CWF19L1: variants seen among roughly 807,000 people sequenced by gnomAD.
CWF19L1 encodes the protein CWF19-like protein 1.
CWF19L1 carries 60 observed loss-of-function variants against 69.7 expected under a neutral mutation model. The ratio of observed to expected loss-of-function variants is 0.86; its 90% CI spans 0.70 to 1.07. CWF19L1 has a LOEUF of 1.07. CWF19L1 is among the 50% of genes least tolerant of loss of function. The pLI is 0.00. For synonymous variants in CWF19L1, 209 were observed against 222.2 expected (o/e 0.94, Z 0.53); for missense variants, 591 against 638.9 (o/e 0.92, Z 0.81).
At chr10:100,257,111 G>C (rs1847237441) in intron 4 of CWF19L1, among the ~76,000 whole-genome samples, 1 of 152,058 alleles carries the variant, frequency 6.6e-6, no homozygotes, top group East Asian at 1.9e-4. Flanking sequence ...TTGCCTTCAA[G>C]ACCTTGCTCC....
intron 6 of CWF19L1, among the ~76,000 whole-genome samples, chr10:100,253,045 G>A (rs1847094518): frequency 6.6e-6 from 1 of 152,098 alleles, no homozygotes; most frequent in South Asian, 2.1e-4. Flanking sequence ...GGCTCCCTAT[G>A]TTGCCCAGGC....
chr10:100,256,481 G>C lies in CWF19L1; in HGVS notation c.290-5C>G, dbSNP rs765563401. 8 of 1,613,336 alleles carry C rather than the reference G, an allele frequency of 5.0e-6. No individual in the cohort carries two copies. The highest frequency in any genetic ancestry group is 6.8e-6 in the Non-Finnish European group (8 of 1,179,440). On this transcript the variant is annotated splice_polypyrimidine_tract_variant and splice_region_variant and intron_variant, in intron 4 of 13. Coordinates refer to ENST00000354105, the MANE Select transcript of CWF19L1 (RefSeq NM_018294.6). Reference sequence around the variant, plus strand: ...CAGTGAAGATACCTTTACGACCTGGGTTCAAAGAAAAATGAACAAATTTTA... The same window carrying C: ...CAGTGAAGATACCTTTACGACCTGGCTTCAAAGAAAAATGAACAAATTTTA...
chr10:100,267,573 G>C lies in CWF19L1; in HGVS notation c.21C>G (p.Arg7=). The change falls in exon 1 of 14, where the codon CGC becomes CGG. Residue 7 remains arginine, a splice_region_variant and synonymous_variant. Transcript: ENST00000354105. MAQKPL[R]LLACGDVEGK... is the part of the protein sequence containing the mutation. The stretch of plus-strand genomic sequence containing the variant: ...GGCTTCCATTCACGGTCACTCACAG[G>C]CGCAGCGGTTTCTGTGCCATCTGTC... 6.2e-7 allele frequency: 1 copy of C among 1,614,166 alleles called. No individual in the cohort carries two copies. The highest frequency in any genetic ancestry group is 1.1e-5 in the South Asian group (1 of 91,082).
intron 10 of CWF19L1, among the ~76,000 whole-genome samples, chr10:100,243,069 A>G (rs1326329850): frequency 6.6e-6 from 1 of 152,230 alleles, no homozygotes; most frequent in Non-Finnish European, 1.5e-5. Flanking sequence ...AGTTTCTTAA[A>G]AGTTAAACAT....
intron 5 of CWF19L1, among the ~76,000 whole-genome samples, chr10:100,255,203 C>A (rs1209097569): frequency 2.6e-5 from 4 of 152,226 alleles, no homozygotes; most frequent in Non-Finnish European, 4.4e-5. Context: ...GGTGTACCAT[C>A]CTTTTCAAGA....
intron 8 of CWF19L1, among the ~76,000 whole-genome samples, chr10:100,246,433 A>G (rs1328572425): frequency 6.6e-6 from 1 of 152,188 alleles, no homozygotes; most frequent in Non-Finnish European, 1.5e-5. Context: ...AGTGAATCTT[A>G]TTTTCCTACT....
intron 6 of CWF19L1, among the ~76,000 whole-genome samples, chr10:100,252,218 T>C (rs139811387): frequency 2.3e-3 from 346 of 152,210 alleles, no homozygotes; most frequent in African/African-American, 7.9e-3. Context: ...ACTTGACCTC[T>C]ATATCAGGAG....
At chr10:100,256,020 A>C (rs1227849375) in intron 5 of CWF19L1, among the ~76,000 whole-genome samples, 1 of 152,150 alleles carries the variant, frequency 6.6e-6, no homozygotes, top group Admixed American at 6.5e-5. Context: ...AGAGAATATA[A>C]AAAACCATTC....
At chr10:100,246,238 G>A (rs1173108128) in intron 8 of CWF19L1, 1 of 223,848 alleles carries the variant, frequency 4.5e-6, no homozygotes, top group African/African-American at 2.3e-5. Flanking sequence ...GGGACATAGT[G>A]TAGTCATACA....
At chr10:100,255,412 A>G (rs183511444) in intron 5 of CWF19L1, among the ~76,000 whole-genome samples, 5 of 152,158 alleles carry the variant, frequency 3.3e-5, no homozygotes, top group Admixed American at 2.6e-4. Context: ...TGGGAGGCTG[A>G]GGTGGGCAAA....
intron 6 of CWF19L1, among the ~76,000 whole-genome samples, chr10:100,252,407 C>A (rs1847067576): frequency 6.6e-6 from 1 of 151,284 alleles, no homozygotes; most frequent in African/African-American, 2.4e-5. Context: ...TGCACTCCAG[C>A]CTGGGCGACA....
At chr10:100,266,977 G>C (rs552560307) in intron 1 of CWF19L1, among the ~76,000 whole-genome samples, 1 of 151,796 alleles carries the variant, frequency 6.6e-6, no homozygotes, top group East Asian at 1.9e-4. Flanking sequence ...ACCGCGCCCG[G>C]CCCATTATCT....
chr10:100,256,594 G>C (rs1847221576), intron 4 of CWF19L1, 118 bp from the exon 5 acceptor site: 1 of 752,748 alleles, frequency 1.3e-6, no homozygotes, highest in Admixed American at 2.2e-5. Context: ...TGTCTGAAGT[G>C]TAAACTCTCC....
chr10:100,233,101 T>TTATG lies in CWF19L1; in HGVS notation c.*122_*125dup. 1 of 963,928 alleles carries TTATG rather than the reference T, an allele frequency of 1.0e-6. No individual in the cohort carries two copies. 59.7% of individuals were successfully genotyped at this position (963,928 alleles called of 1,614,324 possible). A position where few individuals can be genotyped will look rare whatever the true frequency, so the allele number is the denominator to read the frequency against. On this transcript the variant is annotated 3_prime_UTR_variant, in exon 14 of 14. Coordinates refer to ENST00000354105, the MANE Select transcript of CWF19L1 (RefSeq NM_018294.6). ...AGGTTGAGGCTACAGTGAGCCACAGTTATGCCACTGCAATCCTGCTTGGGT... is the reference window on the plus strand; with the variant it reads ...AGGTTGAGGCTACAGTGAGCCACAGTTATGTATGCCACTGCAATCCTGCTTGGGT...
At chr10:100,238,257 G>A (rs1224158460) in intron 10 of CWF19L1, 26 bp from the exon 11 acceptor site, 2 of 1,603,456 alleles carry the variant, frequency 1.2e-6, no homozygotes, top group African/African-American at 2.7e-5. Flanking sequence ...ACAGAATTGA[G>A]ACATCAATAC....
rs753998235 is a variant in CWF19L1 at position 100,243,756 on chromosome 10, C to T, written c.986G>A (p.Trp329Ter). ...RKPPQPPGPCWFCLASPEVEK... is the reference protein window; with the variant it reads ...RKPPQPPGPC Reference sequence around the variant, plus strand: ...CACTTCAGGGCTAGCAAGGCAAAACCAGCAGGGTCCTGGAGGCTGAGCTTC... The same window carrying T: ...CACTTCAGGGCTAGCAAGGCAAAACTAGCAGGGTCCTGGAGGCTGAGCTTC... Residue 329 changes from tryptophan (W) to a stop codon, truncating the protein, a stop_gained, in exon 10 of 14, where the codon TGG becomes TAG. Coordinates refer to ENST00000354105, the MANE Select transcript of CWF19L1 (RefSeq NM_018294.6). LOFTEE classifies it high-confidence loss of function. 33 of 1,614,108 alleles carry T rather than the reference C, an allele frequency of 2.0e-5. No homozygotes were observed. Among genetic ancestry groups the T allele is most frequent in the Non-Finnish European group, 2.3e-5 (27 of 1,179,988 alleles).
chr10:100,266,126 A>C (rs1370740271), intron 1 of CWF19L1, among the ~76,000 whole-genome samples: 1 of 149,854 alleles, frequency 6.7e-6, no homozygotes, highest in Non-Finnish European at 1.5e-5. Flanking sequence ...TAAGCCAAAT[A>C]CCCCTCTTAT....
chr10:100,245,412 C>T (rs116055259), intron 9 of CWF19L1, among the ~76,000 whole-genome samples: 1,693 of 152,130 alleles, frequency 0.011, 41 homozygotes, highest in African/African-American at 0.038. Context: ...TGGTAATTAG[C>T]AAAAGGAACT....
chr10:100,250,239 A>G lies in CWF19L1; in HGVS notation c.708+9T>C. On this transcript the variant is annotated intron_variant, in intron 7 of 13. Transcript: ENST00000354105. The stretch of plus-strand genomic sequence containing the variant: ...ATATCAACCTTCCACCAAATAGGTA[A>G]ATCTTTACCTTTTTCTTTTCTGGAT... The G allele has an allele frequency of 6.3e-7, 1 of 1,581,598 alleles. No individual in the cohort carries two copies. The highest frequency in any genetic ancestry group is 8.7e-7 in the Non-Finnish European group (1 of 1,150,966).
Sources: gnomAD v4.1 joint callset for allele counts (sites outside exome capture counted in the v4.1 genomes callset) on GRCh38, gnomAD v4.1.1 for gene constraint, MANE v1.5 for transcripts, NCBI Gene and HGNC (gene_info 2026-07-23, HGNC 2026-07-21) for gene names.